NFIB: variants seen among roughly 807,000 people sequenced by gnomAD.
NFIB encodes nuclear factor I B, also known as nuclear factor 1 B-type.
NFIB carries 11 observed loss-of-function variants against 61.5 expected under a neutral mutation model. The ratio of observed to expected loss-of-function variants is 0.18; its 90% CI spans 0.11 to 0.30. The LOEUF (loss-of-function observed/expected upper bound fraction) is 0.30, where lower values mean the gene tolerates loss of function less well. Ranked by LOEUF, NFIB falls within the 10% of genes least tolerant of loss-of-function variation. The probability of loss-of-function intolerance (pLI) is 1.00; values close to 1 mark genes in which losing one functional copy is unlikely to be tolerated. For missense variants in NFIB, 471 were observed against 608.9 expected (o/e 0.77, Z 2.38); for synonymous variants, 260 against 216.5 (o/e 1.20, Z -1.76).
intron 2 of NFIB, among the ~76,000 whole-genome samples, chr9:14,236,944 T>C (rs2053804981): frequency 6.6e-6 from 1 of 152,158 alleles, no homozygotes; most frequent in Admixed American, 6.5e-5. Flanking sequence ...AACCCCTTAC[T>C]GGAGGGCTTC....
chr9:14,288,485 T>C (rs1563978607), intron 2 of NFIB, among the ~76,000 whole-genome samples: 2 of 152,120 alleles, frequency 1.3e-5, no homozygotes, highest in African/African-American at 4.8e-5. Flanking sequence ...CAAAACAGTA[T>C]ATATCAATGC....
At chr9:14,179,619 T>A in intron 3 of NFIB, 108 bp downstream of exon 3, 1 of 1,200,502 alleles carries the variant, frequency 8.3e-7, no homozygotes, top group Admixed American at 1.9e-5. Flanking sequence ...CATACCTGCC[T>A]GCCAGAACAA....
intron 3 of NFIB, among the ~76,000 whole-genome samples, chr9:14,158,174 C>A (rs2043683577): frequency 6.6e-6 from 1 of 151,974 alleles, no homozygotes; most frequent in South Asian, 2.1e-4. Flanking sequence ...ATGACTACAG[C>A]TCATATACTT....
At chr9:14,238,058 G>C (rs1037480004) in intron 2 of NFIB, among the ~76,000 whole-genome samples, 14 of 151,996 alleles carry the variant, frequency 9.2e-5, no homozygotes, top group Non-Finnish European at 1.6e-4. Context: ...AGGAGAAAAA[G>C]ACCTGGGAAG....
At chr9:14,430,696 C>G in the NFIB span, among the ~76,000 whole-genome samples, 1 of 152,194 alleles carries the variant, frequency 6.6e-6, no homozygotes, top group Non-Finnish European at 1.5e-5. Context: ...AGTCTCATGC[C>G]TCCGCCTCCC....
upstream of NFIB, among the ~76,000 whole-genome samples, chr9:14,318,505 C>A (rs905786434): frequency 1.5e-5 from 1 of 66,842 alleles, no homozygotes; most frequent in Non-Finnish European, 2.6e-5. Context: ...CACTCGATGC[C>A]TTTTTTTTTT....
intron 1 of NFIB, among the ~76,000 whole-genome samples, chr9:14,312,843 G>A (rs527595720): frequency 3.9e-5 from 6 of 152,196 alleles, no homozygotes; most frequent in East Asian, 1.9e-4. Flanking sequence ...CAACTAACTC[G>A]TGTCAACGTA....
upstream of NFIB, among the ~76,000 whole-genome samples, chr9:14,402,070 GA>G (rs2061747927): frequency 6.6e-6 from 1 of 152,116 alleles, no homozygotes; most frequent in South Asian, 2.1e-4. Flanking sequence ...TTGAAGCCTG[GA>G]AAATTTTCCC....
intron 2 of NFIB, among the ~76,000 whole-genome samples, chr9:14,255,645 T>A (rs1394691732): frequency 6.6e-6 from 1 of 152,164 alleles, no homozygotes; most frequent in Non-Finnish European, 1.5e-5. Flanking sequence ...CCTCCTAACA[T>A]CCTTAAAAAA....
intron 2 of NFIB, among the ~76,000 whole-genome samples, chr9:14,292,048 ATTAAT>A (rs1222508624): frequency 6.6e-6 from 1 of 151,426 alleles, no homozygotes; most frequent in Non-Finnish European, 1.5e-5. Context: ...AGTCTCTTGA[ATTAAT>A]TTATCTTAAT....
At chr9:14,194,172 T>A (rs572943383) in intron 2 of NFIB, among the ~76,000 whole-genome samples, 1 of 152,312 alleles carries the variant, frequency 6.6e-6, no homozygotes, top group East Asian at 1.9e-4. Context: ...TTTAATTCAA[T>A]AAATATTTAC....
intron 2 of NFIB, among the ~76,000 whole-genome samples, chr9:14,292,694 A>T (rs1488324981): frequency 1.3e-5 from 2 of 152,222 alleles, no homozygotes; most frequent in Non-Finnish European, 2.9e-5. Context: ...CTTCCACTTC[A>T]GCAAGCTGCT....
intron 2 of NFIB, among the ~76,000 whole-genome samples, chr9:14,194,953 T>TTCTC (rs144308047): frequency 1.3e-5 from 2 of 150,430 alleles, no homozygotes; most frequent in African/African-American, 2.4e-5. Context: ...CCAGCACACA[T>TTCTC]TCTCTCTCTC....
chr9:14,444,383 ACT>A, the NFIB span, among the ~76,000 whole-genome samples: 1 of 152,130 alleles, frequency 6.6e-6, no homozygotes, highest in South Asian at 2.1e-4. Context: ...TTCAAATGGC[ACT>A]CTCTAGAAGG....
the NFIB span, among the ~76,000 whole-genome samples, chr9:14,432,334 T>G: frequency 6.6e-6 from 1 of 152,230 alleles, no homozygotes; most frequent in Non-Finnish European, 1.5e-5. Context: ...GAGATGGAGA[T>G]AGTTGGTTCT....
chr9:14,135,650 G>A (rs1233271161), intron 6 of NFIB, among the ~76,000 whole-genome samples: 1 of 151,964 alleles, frequency 6.6e-6, no homozygotes, highest in Non-Finnish European at 1.5e-5. Context: ...ATAATTAGCT[G>A]CCATGTTAAG....
intron 1 of NFIB, among the ~76,000 whole-genome samples, chr9:14,383,811 G>A (rs1176025855): frequency 1.3e-5 from 2 of 152,158 alleles, no homozygotes; most frequent in African/African-American, 4.8e-5. Context: ...ATATCTAAAG[G>A]GGAGCCCATT....
At chr9:14,324,027 T>C (rs1334171905) in intron 1 of NFIB, among the ~76,000 whole-genome samples, 1 of 152,170 alleles carries the variant, frequency 6.6e-6, no homozygotes, top group Admixed American at 6.5e-5. Flanking sequence ...AATTAGCATA[T>C]ACAGCTTGGA....
At chr9:14,457,590 A>G in the NFIB span, among the ~76,000 whole-genome samples, 25 of 146,540 alleles carry the variant, frequency 1.7e-4, no homozygotes, top group African/African-American at 6.3e-4. Flanking sequence ...TTTTTTTTTG[A>G]AAAGATCAAC....
Sources: allele counts gnomAD v4.1 joint callset (sites outside exome capture counted in the v4.1 genomes callset), GRCh38; gene constraint gnomAD v4.1.1; transcripts MANE v1.5; gene names NCBI Gene and HGNC (gene_info 2026-07-23, HGNC 2026-07-21).